The following RALYL variants were observed in gnomAD, a reference collection of about 807,000 sequenced individuals.
RALYL encodes the protein RALY RNA binding protein like, also known as RNA-binding Raly-like protein.
In RALYL, 29 loss-of-function variants were observed where a neutral mutation model predicts 35.1. That is an observed-to-expected ratio of 0.83 (90% CI 0.61 to 1.13). RALYL has a LOEUF of 1.13. Among genes scored for constraint, RALYL ranks in the 50% most tolerant of loss-of-function variants. The pLI, the probability that RALYL is intolerant of heterozygous loss-of-function variation, is 0.00. For missense variants in RALYL, 359 were observed against 360.4 expected, an observed-to-expected ratio of 1.00 and a Z score of 0.03; for synonymous variants, 120 against 127.6, an observed-to-expected ratio of 0.94 and a Z score of 0.40.
intron 7 of RALYL, among the ~76,000 whole-genome samples, chr8:84,884,914 G>A (rs548829261): frequency 1.3e-5 from 2 of 152,210 alleles, no homozygotes; most frequent in South Asian, 4.1e-4. Flanking sequence ...GAGCGGTTTA[G>A]ATGATGTGTA....
At chr8:84,244,777 C>G (rs750918121) in intron 1 of RALYL, among the ~76,000 whole-genome samples, 1 of 152,176 alleles carries the variant, frequency 6.6e-6, no homozygotes, top group Non-Finnish European at 1.5e-5. Flanking sequence ...AGGTCAGGAG[C>G]TTGAATTATC....
chr8:84,559,089 C>T (rs532017202), intron 2 of RALYL, among the ~76,000 whole-genome samples: 65 of 151,862 alleles, frequency 4.3e-4, no homozygotes, highest in African/African-American at 1.5e-3. Context: ...GTGGTTCTTC[C>T]TCTAACATTT....
At chr8:84,422,255 C>A (rs1273082542) in intron 1 of RALYL, among the ~76,000 whole-genome samples, 40 of 117,262 alleles carry the variant, frequency 3.4e-4, no homozygotes, top group Non-Finnish European at 5.4e-4. Flanking sequence ...AGAGATTCAA[C>A]TTCTTCCTGG....
chr8:84,537,926 G>A (rs1588058498), intron 2 of RALYL, among the ~76,000 whole-genome samples: 1 of 152,142 alleles, frequency 6.6e-6, no homozygotes, highest in African/African-American at 2.4e-5. Context: ...ATGTATGTAT[G>A]TATAAATCTG....
At chr8:84,779,541 G>A (rs993979488) in intron 3 of RALYL, among the ~76,000 whole-genome samples, 3 of 152,076 alleles carry the variant, frequency 2.0e-5, no homozygotes, top group Admixed American at 1.3e-4. Flanking sequence ...TCATACAAAT[G>A]CCTCTTGTAG....
At chr8:84,593,043 C>A (rs1813646465) in intron 2 of RALYL, among the ~76,000 whole-genome samples, 1 of 152,120 alleles carries the variant, frequency 6.6e-6, no homozygotes, top group Admixed American at 6.6e-5. Context: ...TACATTACAA[C>A]ATATGACTGC....
intron 2 of RALYL, among the ~76,000 whole-genome samples, chr8:84,620,896 T>A (rs1469834865): frequency 6.6e-6 from 1 of 152,116 alleles, no homozygotes; most frequent in Non-Finnish European, 1.5e-5. Flanking sequence ...GCCTCCCAGT[T>A]AGGCTGCTCG....
At chr8:84,297,180 G>A (rs2132307085) in intron 1 of RALYL, among the ~76,000 whole-genome samples, 1 of 152,030 alleles carries the variant, frequency 6.6e-6, no homozygotes, top group East Asian at 1.9e-4. Context: ...TACCTGATAG[G>A]TAGTTTTTCC....
At chr8:84,404,704 A>T (rs1487912555) in intron 1 of RALYL, among the ~76,000 whole-genome samples, 1 of 151,978 alleles carries the variant, frequency 6.6e-6, no homozygotes, top group African/African-American at 2.4e-5. Context: ...GTTAGGGAGG[A>T]GTCTCTCTTT....
chr8:84,408,359 G>T (rs182066448), intron 1 of RALYL, among the ~76,000 whole-genome samples: 42 of 152,198 alleles, frequency 2.8e-4, no homozygotes, highest in Middle Eastern at 6.8e-3. Flanking sequence ...GAGATTTTCA[G>T]TAAATAGAAA....
intron 4 of RALYL, among the ~76,000 whole-genome samples, chr8:84,836,390 C>A (rs1419874238): frequency 6.6e-6 from 1 of 152,152 alleles, no homozygotes; most frequent in Non-Finnish European, 1.5e-5. Context: ...TCCTGATTCA[C>A]CAGTAGCGAG....
chr8:84,593,340 C>T (rs1449286496), intron 2 of RALYL, among the ~76,000 whole-genome samples: 1 of 152,020 alleles, frequency 6.6e-6, no homozygotes, highest in East Asian at 1.9e-4. Flanking sequence ...AGCTTCTGTT[C>T]TGTCAACTGA....
At chr8:84,911,400 T>C (rs974805114) in intron 8 of RALYL, among the ~76,000 whole-genome samples, 1 of 152,154 alleles carries the variant, frequency 6.6e-6, no homozygotes, top group Non-Finnish European at 1.5e-5. Flanking sequence ...TCAATGGCTA[T>C]TTGCTATTAT....
chr8:84,470,247 A>G (rs2052535303), intron 1 of RALYL, among the ~76,000 whole-genome samples: 2 of 152,324 alleles, frequency 1.3e-5, no homozygotes, highest in Admixed American at 6.5e-5. Flanking sequence ...TATAGAGGCA[A>G]TAACATTAAG....
intron 6 of RALYL, among the ~76,000 whole-genome samples, chr8:84,865,304 C>T (rs1171744299): frequency 1.3e-5 from 2 of 152,092 alleles, no homozygotes; most frequent in African/African-American, 4.8e-5. Flanking sequence ...AGGTATATAG[C>T]TTGCTCTTTA....
At chr8:84,847,540 C>T (rs1256495182) in intron 4 of RALYL, among the ~76,000 whole-genome samples, 1 of 152,126 alleles carries the variant, frequency 6.6e-6, no homozygotes, top group Non-Finnish European at 1.5e-5. Context: ...TTGTTCTGAT[C>T]TCCTGAGGTG....
chr8:84,627,650 A>T (rs1282407678), intron 2 of RALYL, among the ~76,000 whole-genome samples: 1 of 151,126 alleles, frequency 6.6e-6, no homozygotes, highest in Non-Finnish European at 1.5e-5. Context: ...CTTTCTCTGT[A>T]TTCTGTTAAA....
At chr8:84,339,645 C>A (rs549503962) in intron 1 of RALYL, among the ~76,000 whole-genome samples, 1 of 151,720 alleles carries the variant, frequency 6.6e-6, no homozygotes, top group Non-Finnish European at 1.5e-5. Flanking sequence ...ACCCCACCCC[C>A]CAGTTTGTGG....
chr8:84,223,081 G>GCCTTGCCTTT lies in RALYL; in HGVS notation c.-24+38661_-24+38662insGCCTTTCCTT. On this transcript the variant is annotated intron_variant, in intron 1 of 8. Coordinates refer to ENST00000521268, the MANE Select transcript of RALYL (RefSeq NM_173848.7). Reference sequence around the variant, plus strand: ...TTCCCTTTCTCTCTCCCTTTGCCCTGCCTTTCCTTTCCTTTCCTTTCCTTT... The same window carrying GCCTTGCCTTT: ...TTCCCTTTCTCTCTCCCTTTGCCCTGCCTTGCCTTTCCTTTCCTTTCCTTTCCTTTCCTTT... Among the ~76,000 whole-genome samples the GCCTTGCCTTT allele has an allele frequency of 5.7e-5, 3 of 52,798 alleles. No homozygotes were observed. The East Asian group carries it at 1.9e-3, about 33-fold the overall frequency. 34.6% of individuals were successfully genotyped at this position (52,798 alleles called of 152,430 possible).
Sources: allele counts gnomAD v4.1 joint callset (sites outside exome capture counted in the v4.1 genomes callset), GRCh38; gene constraint gnomAD v4.1.1; transcripts MANE v1.5; gene names NCBI Gene and HGNC (gene_info 2026-07-23, HGNC 2026-07-21).